The following PARVB variants were observed in gnomAD, a reference collection of about 807,000 sequenced individuals.
The protein encoded by PARVB is beta-parvin.
PARVB carries 46 observed loss-of-function variants against 47.0 expected under a neutral mutation model. The ratio of observed to expected loss-of-function variants is 0.98; its 90% CI spans 0.77 to 1.25. PARVB has a LOEUF of 1.25. Ranked by LOEUF, PARVB falls within the 50% of genes most tolerant of loss-of-function variation. The pLI is 0.00. For missense variants in PARVB, 473 were observed against 471.6 expected (o/e 1.00, Z -0.03); for synonymous variants, 196 against 196.3 (o/e 1.00, Z 0.01).
chr22:44,157,951 G>T (rs749582149), intron 10 of PARVB, 31 bp from the exon 11 acceptor site: 15 of 1,534,946 alleles, frequency 9.8e-6, no homozygotes, highest in Admixed American at 1.7e-5. Context: ...TCCTTACCCT[G>T]CCCGGAAACA....
At chr22:44,126,196 G>T (rs892126079) in intron 4 of PARVB, among the ~76,000 whole-genome samples, 1 of 152,172 alleles carries the variant, frequency 6.6e-6, no homozygotes, top group African/African-American at 2.4e-5. Flanking sequence ...CAAAGAGGGT[G>T]TTCCAAATTT....
upstream of PARVB, among the ~76,000 whole-genome samples, chr22:44,019,794 A>T (rs926234624): frequency 6.6e-6 from 1 of 151,828 alleles, no homozygotes; most frequent in Non-Finnish European, 1.5e-5. Context: ...GGACCCACAC[A>T]CCCCCCATCA....
intron 1 of PARVB, among the ~76,000 whole-genome samples, chr22:44,070,791 G>A (rs1031974762): frequency 1.3e-5 from 2 of 152,186 alleles, no homozygotes; most frequent in African/African-American, 4.8e-5. Flanking sequence ...GCTGGAGGAG[G>A]GTAGACCCTG....
intron 1 of PARVB, among the ~76,000 whole-genome samples, chr22:44,047,447 G>A (rs1027697743): frequency 3.3e-5 from 5 of 152,146 alleles, no homozygotes; most frequent in South Asian, 2.1e-4. Flanking sequence ...GATCACTTGA[G>A]GTCAGGAGTT....
At chr22:44,036,423 A>C (rs2050923792) in intron 1 of PARVB, among the ~76,000 whole-genome samples, 1 of 152,134 alleles carries the variant, frequency 6.6e-6, no homozygotes, top group Admixed American at 6.5e-5. Flanking sequence ...TAAATGATAA[A>C]ACAGATGAGT....
chr22:44,142,627 G>C (rs2053578686), intron 8 of PARVB: 1 of 152,160 alleles, frequency 6.6e-6, no homozygotes, highest in Non-Finnish European at 1.5e-5. Flanking sequence ...CCATGAATGA[G>C]CTTTAGGGTC....
At chr22:44,023,548 AAAAT>A (rs2050679320), upstream of PARVB, among the ~76,000 whole-genome samples, 7 of 62,842 alleles carry the variant, frequency 1.1e-4, no homozygotes, top group South Asian at 4.6e-4. Context: ...AAAATAAAAT[AAAAT>A]AAAATAAAAT....
At chr22:44,023,459 C>T (rs947962236), upstream of PARVB, among the ~76,000 whole-genome samples, 5 of 151,002 alleles carry the variant, frequency 3.3e-5, 1 homozygote, top group South Asian at 4.2e-4. Context: ...TGCAGTGAGC[C>T]GAGATTGTGC....
At chr22:44,093,408 C>G (rs78012267) in intron 1 of PARVB, among the ~76,000 whole-genome samples, 2 of 152,190 alleles carry the variant, frequency 1.3e-5, no homozygotes, top group Non-Finnish European at 2.9e-5. Flanking sequence ...CATCCTGACC[C>G]GGGTGTTCCA....
At chr22:44,139,687 G>C (rs1299699758) in intron 7 of PARVB, 2 of 170,986 alleles carry the variant, frequency 1.2e-5, no homozygotes, top group East Asian at 3.0e-4. Flanking sequence ...CTGACCTCAA[G>C]TGATTGACCC....
At chr22:44,165,150 C>G (rs929699615) in intron 12 of PARVB, among the ~76,000 whole-genome samples, 8 of 152,182 alleles carry the variant, frequency 5.3e-5, no homozygotes, top group Non-Finnish European at 1.5e-5. Context: ...TACCACCATG[C>G]CCGGCTAATG....
At chr22:44,095,859 C>T (rs1293548040) in intron 2 of PARVB, among the ~76,000 whole-genome samples, 2 of 152,198 alleles carry the variant, frequency 1.3e-5, no homozygotes, top group African/African-American at 4.8e-5. Context: ...CCAACCGACC[C>T]GAAGCCAGAG....
chr22:44,130,819 C>T (rs888648494), intron 4 of PARVB, among the ~76,000 whole-genome samples: 2 of 152,128 alleles, frequency 1.3e-5, no homozygotes, highest in Non-Finnish European at 2.9e-5. Context: ...ATAGAATGTT[C>T]CCGAGTATAA....
rs1483474516 is a variant in PARVB at position 44,049,402 on chromosome 22, C to T, written c.112+24951C>T. Among the ~76,000 whole-genome samples, 1 of 152,178 alleles carries T rather than the reference C, an allele frequency of 6.6e-6. No individual in the cohort carries two copies. The highest frequency in any genetic ancestry group is 1.5e-5 in the Non-Finnish European group (1 of 68,030). On this transcript the variant is annotated intron_variant, in intron 1 of 12. Coordinates refer to ENST00000338758, the MANE Select transcript of PARVB (RefSeq NM_013327.5). The surrounding 1 kb of genome is among the most constrained non-coding windows in gnomAD (Gnocchi z 4.0). ...GAGGTCCGTTTCTCAAGTTTAGCTCCTGTCTGATTAAATTTGAGGTTCGTT... is the reference window on the plus strand; with the variant it reads ...GAGGTCCGTTTCTCAAGTTTAGCTCTTGTCTGATTAAATTTGAGGTTCGTT...
chr22:44,005,878 T>C (rs997568482), intron 2 of PARVB, among the ~76,000 whole-genome samples: 11 of 152,028 alleles, frequency 7.2e-5, no homozygotes, highest in African/African-American at 2.7e-4. Context: ...CTTTGAGGAG[T>C]GTACTTCTGT....
intron 2 of PARVB, among the ~76,000 whole-genome samples, chr22:44,014,430 C>T (rs2050555923): frequency 6.6e-6 from 1 of 152,214 alleles, no homozygotes; most frequent in African/African-American, 2.4e-5. Context: ...ATCTGATTTT[C>T]ATAATCATTC....
At chr22:44,163,041 C>A (rs2063896819) in intron 11 of PARVB, among the ~76,000 whole-genome samples, 1 of 152,200 alleles carries the variant, frequency 6.6e-6, no homozygotes, top group Admixed American at 6.5e-5. Flanking sequence ...CCCTCCCTCC[C>A]CTGAGGGCAC....
intron 1 of PARVB, among the ~76,000 whole-genome samples, chr22:44,064,154 T>G (rs1020661232): frequency 6.6e-6 from 1 of 152,148 alleles, no homozygotes; most frequent in African/African-American, 2.4e-5. Context: ...GCATGTGTGA[T>G]GCTGGCCACG....
intron 2 of PARVB, among the ~76,000 whole-genome samples, chr22:44,094,948 G>A (rs1009575735): frequency 1.3e-5 from 2 of 151,462 alleles, no homozygotes; most frequent in Non-Finnish European, 1.5e-5. Context: ...ACCACGTGGC[G>A]TGGCGTGGTA....
Sources: allele counts gnomAD v4.1 joint callset (sites outside exome capture counted in the v4.1 genomes callset), GRCh38; gene constraint gnomAD v4.1.1; non-coding constraint Gnocchi (gnomAD v3.1); transcripts MANE v1.5; gene names NCBI Gene and HGNC (gene_info 2026-07-23, HGNC 2026-07-21).